Variants in ZRANB3 observed in about 807,000 individuals in gnomAD.
The protein encoded by ZRANB3 is DNA annealing helicase and endonuclease ZRANB3.
Under a neutral mutation model 133.8 loss-of-function variants are expected in ZRANB3, and 125 were observed. The observed-to-expected ratio is 0.93, with a 90% confidence interval of 0.81 to 1.08. The LOEUF is 1.08. ZRANB3 is among the 50% of genes least tolerant of loss of function. ZRANB3 has a pLI of 0.00. For synonymous variants in ZRANB3, 387 were observed against 432.7 expected, an observed-to-expected ratio of 0.89 and a Z score of 1.31; for missense variants, 1,229 against 1,275.5, an observed-to-expected ratio of 0.96 and a Z score of 0.56.
intron 1 of ZRANB3, among the ~76,000 whole-genome samples, chr2:135,509,672 C>T (rs1412340883): frequency 1.3e-5 from 2 of 152,072 alleles, no homozygotes; most frequent in Admixed American, 1.3e-4. Flanking sequence ...TGAAAAAACT[C>T]TACTTCAAAA....
chr2:135,403,314 C>A (rs1029887934), intron 2 of ZRANB3, among the ~76,000 whole-genome samples: 2 of 152,236 alleles, frequency 1.3e-5, no homozygotes, highest in Non-Finnish European at 1.5e-5. Context: ...ATATCCCGCA[C>A]CTGGCTCGGA....
At chr2:135,476,169 T>C (rs1691491167) in intron 2 of ZRANB3, among the ~76,000 whole-genome samples, 1 of 152,200 alleles carries the variant, frequency 6.6e-6, no homozygotes, top group African/African-American at 2.4e-5. Context: ...GTATGGAGCT[T>C]ATATGGATCT....
chr2:135,444,224 G>T (rs766054473), intron 2 of ZRANB3, among the ~76,000 whole-genome samples: 2 of 152,036 alleles, frequency 1.3e-5, no homozygotes, highest in Non-Finnish European at 2.9e-5. Flanking sequence ...GTCTTAGGAG[G>T]TTATATAATA....
chr2:135,429,221 C>T (rs895593822), intron 2 of ZRANB3, among the ~76,000 whole-genome samples: 1 of 152,164 alleles, frequency 6.6e-6, no homozygotes, highest in African/African-American at 2.4e-5. Flanking sequence ...GGAATGAGAT[C>T]ATGTACTCTG....
At chr2:135,245,062 T>C (rs1695728268) in intron 12 of ZRANB3, among the ~76,000 whole-genome samples, 1 of 152,234 alleles carries the variant, frequency 6.6e-6, no homozygotes, top group Non-Finnish European at 1.5e-5. Context: ...AAAGGTACTC[T>C]TAAGAATACA....
chr2:135,255,891 T>C (rs1432629338), intron 12 of ZRANB3, among the ~76,000 whole-genome samples: 1 of 151,364 alleles, frequency 6.6e-6, no homozygotes, highest in African/African-American at 2.4e-5. Flanking sequence ...CAATCAGATA[T>C]TTAAAGGTCA....
At chr2:135,374,934 G>A (rs1275259686) in intron 3 of ZRANB3, among the ~76,000 whole-genome samples, 2 of 152,120 alleles carry the variant, frequency 1.3e-5, no homozygotes, top group Admixed American at 1.3e-4. Flanking sequence ...TATGCAGATG[G>A]CAGATAAGCA....
chr2:135,328,036 T>C (rs1293777451), intron 6 of ZRANB3, among the ~76,000 whole-genome samples: 2 of 152,066 alleles, frequency 1.3e-5, no homozygotes, highest in Non-Finnish European at 2.9e-5. Context: ...TTCAGTTGAC[T>C]TTTAATTTTT....
chr2:135,287,846 G>A (rs1681461234), intron 8 of ZRANB3, among the ~76,000 whole-genome samples: 2 of 151,556 alleles, frequency 1.3e-5, no homozygotes, highest in Admixed American at 1.3e-4. Context: ...GAGTCTTTAG[G>A]GTTTTCTGGG....
intron 1 of ZRANB3, among the ~76,000 whole-genome samples, chr2:135,528,648 T>TAA (rs576879098): frequency 7.0e-6 from 1 of 143,624 alleles, no homozygotes. Flanking sequence ...CACAAACAAA[T>TAA]AAAAAAAAAA....
intron 13 of ZRANB3, among the ~76,000 whole-genome samples, chr2:135,230,139 A>G (rs1312637966): frequency 6.6e-6 from 1 of 152,210 alleles, no homozygotes; most frequent in African/African-American, 2.4e-5. Flanking sequence ...TTCCTTAAAA[A>G]CAAGTATTAG....
intron 15 of ZRANB3, among the ~76,000 whole-genome samples, chr2:135,220,205 C>T (rs1408848477): frequency 6.6e-6 from 1 of 151,830 alleles, no homozygotes; most frequent in Non-Finnish European, 1.5e-5. Context: ...ACGCCCAGCC[C>T]CTGAAATCTT....
intron 8 of ZRANB3, among the ~76,000 whole-genome samples, chr2:135,295,206 G>T (rs945619648): frequency 6.6e-6 from 1 of 152,140 alleles, no homozygotes; most frequent in Non-Finnish European, 1.5e-5. Context: ...TATTGTGTGG[G>T]AGTCTAAGTC....
intron 2 of ZRANB3, among the ~76,000 whole-genome samples, chr2:135,393,417 T>C (rs1431650508): frequency 6.6e-6 from 1 of 151,870 alleles, no homozygotes; most frequent in Non-Finnish European, 1.5e-5. Context: ...GACTGGAAGA[T>C]GCAGTACGTG....
chr2:135,257,710 G>A (rs1048186258), intron 12 of ZRANB3, among the ~76,000 whole-genome samples: 3 of 152,140 alleles, frequency 2.0e-5, no homozygotes, highest in East Asian at 1.9e-4. Context: ...TGAATGTCCT[G>A]TATGTGGCTC....
At chr2:135,237,074 T>A (rs1331858810) in intron 12 of ZRANB3, among the ~76,000 whole-genome samples, 1 of 150,284 alleles carries the variant, frequency 6.7e-6, no homozygotes, top group Non-Finnish European at 1.5e-5. Context: ...AATCTACAAT[T>A]AACTCAAACA....
intron 2 of ZRANB3, among the ~76,000 whole-genome samples, chr2:135,406,836 C>T (rs1329055317): frequency 1.3e-5 from 2 of 152,230 alleles, no homozygotes; most frequent in East Asian, 3.9e-4. Context: ...ATAATAAGAG[C>T]TATCTATGAC....
chr2:135,243,359 CA>C (rs1250928531), intron 12 of ZRANB3, among the ~76,000 whole-genome samples: 5 of 152,288 alleles, frequency 3.3e-5, no homozygotes, highest in African/African-American at 1.2e-4. Flanking sequence ...ACTAAAAATA[CA>C]AAAATTAGCC....
At chr2:135,383,027 T>C (rs555312578) in intron 3 of ZRANB3, among the ~76,000 whole-genome samples, 1 of 152,182 alleles carries the variant, frequency 6.6e-6, no homozygotes, top group East Asian at 1.9e-4. Flanking sequence ...AATGCTCCAA[T>C]TAAAAGACAC....
Sources: allele counts gnomAD v4.1 joint callset (sites outside exome capture counted in the v4.1 genomes callset), GRCh38; gene constraint gnomAD v4.1.1; transcripts MANE v1.5; gene names NCBI Gene and HGNC (gene_info 2026-07-23, HGNC 2026-07-21).